GBX2: variants seen among roughly 807,000 people sequenced by gnomAD.
The protein encoded by GBX2 is homeobox protein GBX-2.
A neutral mutation model predicts 22.4 loss-of-function variants in GBX2; 5 were observed. The observed-to-expected ratio is 0.22, with a 90% CI of 0.12 to 0.47. GBX2 has a LOEUF of 0.47. GBX2 is among the 20% of genes least tolerant of loss of function. The probability of loss-of-function intolerance (pLI) is 0.99; values close to 1 mark genes in which losing one functional copy is unlikely to be tolerated. For synonymous variants in GBX2, 220 were observed against 230.5 expected (o/e 0.95, Z 0.41); for missense variants, 470 against 495.4 (o/e 0.95, Z 0.49).
chr2:236,161,478 C>T (rs1028961634), downstream of GBX2, among the ~76,000 whole-genome samples: 1 of 152,220 alleles, frequency 6.6e-6, no homozygotes, highest in African/African-American at 2.4e-5. Flanking sequence ...CATATTTCTC[C>T]TGTTTACACC....
chr2:236,167,085 C>T (rs1302744054), intron 1 of GBX2: 4 of 1,500,870 alleles, frequency 2.7e-6, no homozygotes, highest in African/African-American at 2.8e-5. Context: ...CCTGGGCACA[C>T]GCACGGCTGA....
intron 1 of GBX2, chr2:236,167,006 C>A: frequency 1.2e-6 from 1 of 814,436 alleles, no homozygotes; most frequent in South Asian, 1.5e-5. Context: ...ACAGGCACAG[C>A]CTCCCAGCAG....
downstream of GBX2, among the ~76,000 whole-genome samples, chr2:236,163,757 C>T (rs988831159): frequency 6.6e-6 from 1 of 151,778 alleles, no homozygotes; most frequent in Non-Finnish European, 1.5e-5. Context: ...CGTCGTGTGG[C>T]CAGTGGGTAC....
At chr2:236,163,866 C>T (rs1203526738), downstream of GBX2, among the ~76,000 whole-genome samples, 1 of 152,146 alleles carries the variant, frequency 6.6e-6, no homozygotes, top group South Asian at 2.1e-4. Context: ...CAGGGCGCGA[C>T]CCGGGCGCCA....
Position 236,166,405 on chromosome 2 carries a change from A to C in GBX2, c.556T>G (p.Ser186Ala). 2 of 1,613,066 alleles carry C rather than the reference A, an allele frequency of 1.2e-6. No individual in the cohort carries two copies. Among genetic ancestry groups the C allele is most frequent in the Non-Finnish European group, 1.7e-6 (2 of 1,179,482 alleles). Reference sequence around the variant, plus strand: ...CCCTTCGGGTCGTCTTCCACCTTTGACTCGTCTTTCCCTTGCCCTCGGACA... The same window carrying C: ...CCCTTCGGGTCGTCTTCCACCTTTGCCTCGTCTTTCCCTTGCCCTCGGACA... ...GAVRGQGKDE[S>A]KVEDDPKGKE... The change falls in exon 2 of 2, where the codon TCA becomes GCA. Residue 186 changes from serine to alanine, a missense_variant. This residue lies in a region of GBX2 where 377 missense variants were observed against 358.6 expected (regional missense o/e 1.05). Coordinates refer to ENST00000306318, the MANE Select transcript of GBX2 (RefSeq NM_001485.4). This position sits in a 1 kb window ranked among gnomAD's most constrained non-coding sequence, Gnocchi z 6.6.
In GBX2 at chr2:236,165,997, T is replaced by C; in HGVS notation, c.964A>G (p.Lys322Glu). The change falls in exon 2 of 2, where the codon AAG becomes GAG. Residue 322 changes from lysine to glutamate, a missense_variant. Lys to Glu is a moderately conservative substitution (Grantham distance 56). This residue lies in a region of GBX2 where 50 missense variants were observed against 59.1 expected (regional missense o/e 0.85). Coordinates refer to ENST00000306318, the MANE Select transcript of GBX2 (RefSeq NM_001485.4). ...TGGACAGGGATGGGGACGACGATCTTAGGGTTCCGGGAGGGCTCCCCTGTC... is the reference window on the plus strand; with the variant it reads ...TGGACAGGGATGGGGACGACGATCTCAGGGTTCCGGGAGGGCTCCCCTGTC... ...SKTGEPSRNP[K>E]IVVPIPVHVS... 2 of 1,614,200 alleles carry C rather than the reference T, an allele frequency of 1.2e-6. No homozygotes were observed. The highest frequency in any genetic ancestry group is 3.3e-4 in the Middle Eastern group (2 of 6,062).
At chr2:236,164,173 A>G (rs1295067509), downstream of GBX2, among the ~76,000 whole-genome samples, 1 of 151,794 alleles carries the variant, frequency 6.6e-6, no homozygotes, top group Non-Finnish European at 1.5e-5. Flanking sequence ...AATTAAGTCA[A>G]TATTAGTACT....
downstream of GBX2, among the ~76,000 whole-genome samples, chr2:236,164,802 G>T (rs1007047955): frequency 6.6e-6 from 1 of 152,152 alleles, no homozygotes; most frequent in Non-Finnish European, 1.5e-5. Context: ...CCACTCTGCC[G>T]GCAGGCGAGC....
chr2:236,166,441 A>G lies in GBX2; in HGVS notation c.524-4T>C, dbSNP rs2126007889. 2 of 1,602,796 alleles carry G rather than the reference A, an allele frequency of 1.2e-6. No individual in the cohort carries two copies. The highest frequency in any genetic ancestry group is 4.5e-5 in the East Asian group (2 of 44,552). Reference sequence around the variant, plus strand: ...CCTTGCCCTCGGACAGCCCCGACTGAAAGCAAAACCAAACGGCATTTTATT... The same window carrying G: ...CCTTGCCCTCGGACAGCCCCGACTGGAAGCAAAACCAAACGGCATTTTATT... On this transcript the variant is annotated splice_polypyrimidine_tract_variant and splice_region_variant and intron_variant, in intron 1 of 1. Coordinates refer to ENST00000306318, the MANE Select transcript of GBX2 (RefSeq NM_001485.4). The surrounding 1 kb of genome is among the most constrained non-coding windows in gnomAD (Gnocchi z 6.6).
In GBX2 at chr2:236,166,166, C is replaced by G; in HGVS notation, c.795G>C (p.Glu265Asp). ...TSEQLLELEK[E>D]FHCKKYLSLT... ...AGGAGAGGTACTTTTTGCAGTGGAA[C>G]TCCTTCTCTAGCTCCAGCAGCTGCT... Residue 265 changes from glutamate (E) to aspartate (D), a missense_variant, in exon 2 of 2, where the codon GAG (glutamate) becomes GAC (aspartate). By Grantham distance (45) the Glu-to-Asp change is conservative. Coordinates refer to ENST00000306318, the MANE Select transcript of GBX2 (RefSeq NM_001485.4). This position sits in a 1 kb window ranked among gnomAD's most constrained non-coding sequence, Gnocchi z 6.6. The G allele has an allele frequency of 6.2e-7, 1 of 1,614,130 alleles. No individual in the cohort carries two copies. Among genetic ancestry groups the G allele is most frequent in the Non-Finnish European group, 8.5e-7 (1 of 1,180,044 alleles).
chr2:236,168,161 G>T lies in GBX2; in HGVS notation c.-190C>A, dbSNP rs1217707915. 2 of 477,612 alleles carry T rather than the reference G, an allele frequency of 4.2e-6. No homozygotes were observed. Among genetic ancestry groups the T allele is most frequent in the Non-Finnish European group, 6.4e-6 (2 of 313,686 alleles). The allele number at this position is 477,612 out of a possible 1,614,324, so 29.6% of individuals were successfully genotyped here. A position where few individuals can be genotyped will look rare whatever the true frequency, so the allele number is the denominator to read the frequency against. On this transcript the variant is annotated 5_prime_UTR_variant, in exon 1 of 2. Coordinates refer to ENST00000306318, the MANE Select transcript of GBX2 (RefSeq NM_001485.4). ...CGGGCGGGTGCAGGGGGTGTGCGGG[G>T]TGAGGCCGTGCGCCCCGGAGTGGAG...
intron 1 of GBX2, chr2:236,167,043 AC>A: frequency 9.3e-7 from 1 of 1,080,466 alleles, no homozygotes; most frequent in Non-Finnish European, 1.4e-6. Flanking sequence ...AAGTAGCAAG[AC>A]CAGCGAAGGG....
In GBX2 at chr2:236,165,554, G is replaced by C. The variant is rs2060233694; in HGVS notation, c.*360C>G. ...TTTACCTTTGGAAAAGTATGGAAAGGTGGCTGCTAACCGCGCAGATTACAG... is the reference window on the plus strand; with the variant it reads ...TTTACCTTTGGAAAAGTATGGAAAGCTGGCTGCTAACCGCGCAGATTACAG... On this transcript the variant is annotated 3_prime_UTR_variant, in exon 2 of 2. Coordinates refer to ENST00000306318, the MANE Select transcript of GBX2 (RefSeq NM_001485.4). The C allele has an allele frequency of 5.3e-6, 1 of 188,712 alleles. No individual in the cohort carries two copies. Among genetic ancestry groups the C allele is most frequent in the Admixed American group, 5.4e-5 (1 of 18,534 alleles). The allele number at this position is 188,712 out of a possible 1,614,324, so 11.7% of individuals were successfully genotyped here. A position where few individuals can be genotyped will look rare whatever the true frequency, so the allele number is the denominator to read the frequency against.
chr2:236,167,185 C>A (rs1018950060), intron 1 of GBX2: 1 of 1,535,416 alleles, frequency 6.5e-7, no homozygotes, highest in Non-Finnish European at 8.7e-7. Flanking sequence ...CTCGGCCAAA[C>A]GCATCGTCAG....
rs1440295261 is a variant in GBX2, at chr2:236,168,259, G to A, written c.-288C>T. On this transcript the variant is annotated 5_prime_UTR_variant, in exon 1 of 2. Transcript: ENST00000306318. ...GCCCGTCGGAGCCCGCGCGCTTCGC[G>A]GGTTTGGCCCTCGGCCCCGGTAAGC... is the stretch of plus-strand genomic sequence containing the variant. 4 of 206,362 alleles carry A rather than the reference G, an allele frequency of 1.9e-5. No individual in the cohort carries two copies. The highest frequency in any genetic ancestry group is 7.0e-5 in the African/African-American group (3 of 42,788). 12.8% of individuals were successfully genotyped at this position (206,362 alleles called of 1,614,324 possible). A position where few individuals can be genotyped will look rare whatever the true frequency, so the allele number is the denominator to read the frequency against.
At chr2:236,167,007 C>T in intron 1 of GBX2, 1 of 824,764 alleles carries the variant, frequency 1.2e-6, no homozygotes, top group Non-Finnish European at 2.0e-6. Context: ...CAGGCACAGC[C>T]TCCCAGCAGT....
chr2:236,163,955 G>A (rs1170169421), downstream of GBX2, among the ~76,000 whole-genome samples: 2 of 152,128 alleles, frequency 1.3e-5, no homozygotes, highest in Non-Finnish European at 2.9e-5. Flanking sequence ...CCGCAGAGCC[G>A]GCCGACGCCC....
At position 236,167,765 on chromosome 2, in the gene GBX2, C is replaced by G. The variant is rs763414451; in HGVS notation, c.207G>C (p.Ala69=). The part of the protein sequence containing the change: ...PPPPPALPQA[A]LQPALPPAHP... ...GTGCGGGCGGCAGCGCTGGCTGCAGCGCGGCCTGGGGCAGCGCGGGCGGCG... is the reference window on the plus strand; with the variant it reads ...GTGCGGGCGGCAGCGCTGGCTGCAGGGCGGCCTGGGGCAGCGCGGGCGGCG... Residue 69 remains alanine, a synonymous_variant, in exon 1 of 2, where the codon GCG becomes GCC. Transcript: ENST00000306318. The G allele has an allele frequency of 6.9e-7, 1 of 1,444,960 alleles. No homozygotes were observed. The highest frequency in any genetic ancestry group is 2.9e-5 in the East Asian group (1 of 34,994). The allele number at this position is 1,444,960 out of a possible 1,614,324, so 89.5% of individuals were successfully genotyped here.
rs2060238103 is a variant in GBX2, at chr2:236,166,217, C to T, written c.744G>A (p.Arg248=). Residue 248 remains arginine (R), a synonymous_variant, in exon 2 of 2, where the codon CGG becomes CGA. Coordinates refer to ENST00000306318, the MANE Select transcript of GBX2 (RefSeq NM_001485.4). This position sits in a 1 kb window ranked among gnomAD's most constrained non-coding sequence, Gnocchi z 6.6. ...AGSTTSTGKN[R]RRRTAFTSEQ... ...CGCTGGTGAAGGCAGTCCGCCGCCG[C>T]CGGTTCTTGCCCGTAGACGTGGTGC... The T allele has an allele frequency of 1.2e-6, 2 of 1,613,686 alleles. No individual in the cohort carries two copies. The highest frequency in any genetic ancestry group is 1.3e-5 in the African/African-American group (1 of 75,058).
Sources: gnomAD v4.1 joint callset for allele counts (sites outside exome capture counted in the v4.1 genomes callset) on GRCh38, gnomAD v4.1.1 for gene constraint, gnomAD v4.1.1 regional missense constraint, Gnocchi (gnomAD v3.1) non-coding constraint, MANE v1.5 for transcripts, NCBI Gene and HGNC (gene_info 2026-07-23, HGNC 2026-07-21) for gene names.